GTF3C3: variants seen among roughly 807,000 people sequenced by gnomAD.
GTF3C3 encodes the protein general transcription factor 3C polypeptide 3.
Under a neutral mutation model 105.2 loss-of-function variants are expected in GTF3C3, and 75 were observed. That is an observed-to-expected ratio of 0.71 (90% CI 0.59 to 0.86). The LOEUF (loss-of-function observed/expected upper bound fraction) is 0.86. Among genes scored for constraint, GTF3C3 ranks in the 40% least tolerant of loss-of-function variants. The pLI, the probability that GTF3C3 is intolerant of heterozygous loss-of-function variation, is 0.00. For synonymous variants in GTF3C3, 335 were observed against 370.4 expected, an observed-to-expected ratio of 0.90 and a Z score of 1.10; for missense variants, 856 against 1,076.5, an observed-to-expected ratio of 0.80 and a Z score of 2.87.
chr2:196,764,730 A>G, intron 17 of GTF3C3, 45 bp from the exon 18 acceptor site: 1 of 1,546,908 alleles, frequency 6.5e-7, no homozygotes, highest in African/African-American at 1.4e-5. Context: ...TCCAACTGTC[A>G]ACCGGGACAA....
chr2:196,792,302 G>A (rs1292778122), intron 3 of GTF3C3, among the ~76,000 whole-genome samples: 11 of 152,044 alleles, frequency 7.2e-5, no homozygotes, highest in Admixed American at 7.2e-4. Context: ...GACAACAGGA[G>A]TGCACTACCA....
intron 17 of GTF3C3, among the ~76,000 whole-genome samples, chr2:196,766,010 C>CAAAAAAAA (rs11424716): frequency 1.1e-5 from 1 of 87,172 alleles, no homozygotes; most frequent in Non-Finnish European, 2.2e-5. Flanking sequence ...ACTCTGTCTC[C>CAAAAAAAA]AAAAAAAAAA....
At chr2:196,782,006 A>G (rs1001416531) in intron 8 of GTF3C3, among the ~76,000 whole-genome samples, 6 of 152,234 alleles carry the variant, frequency 3.9e-5, no homozygotes, top group African/African-American at 1.4e-4. Flanking sequence ...TGGGTTCTAC[A>G]TTCCAACTGT....
intron 3 of GTF3C3, among the ~76,000 whole-genome samples, chr2:196,792,146 G>T (rs1699559774): frequency 6.6e-6 from 1 of 151,954 alleles, no homozygotes; most frequent in Admixed American, 6.6e-5. Context: ...AGTATCAAAG[G>T]GTTATAGTAT....
intron 2 of GTF3C3, 120 bp downstream of exon 2, chr2:196,797,676 TC>T: frequency 1.5e-6 from 1 of 649,718 alleles, no homozygotes; most frequent in South Asian, 1.8e-5. Context: ...AGCATTCTGT[TC>T]CTGAAAAACC....
rs1001046303 is a variant in GTF3C3 at position 196,786,123 on chromosome 2, G to C, written c.894-535C>G. On this transcript the variant is annotated intron_variant, in intron 6 of 17. Transcript: ENST00000263956. This position sits in a 1 kb window ranked among gnomAD's most constrained non-coding sequence, Gnocchi z 4.2. ...TCTCACTCTAAACTGATGACCAATAGCCTCAAGCAGGTCCATGGTACTGAT... is the reference window on the plus strand; with the variant it reads ...TCTCACTCTAAACTGATGACCAATACCCTCAAGCAGGTCCATGGTACTGAT... 6.6e-6 allele frequency among the ~76,000 whole-genome samples: 1 copy of C among 152,126 alleles called. No individual in the cohort carries two copies. Among genetic ancestry groups the C allele is most frequent in the African/African-American group, 2.4e-5 (1 of 41,422 alleles).
At chr2:196,784,382 C>T (rs1284541779) in intron 8 of GTF3C3, among the ~76,000 whole-genome samples, 1 of 152,142 alleles carries the variant, frequency 6.6e-6, no homozygotes, top group African/African-American at 2.4e-5. Flanking sequence ...GCAAGCCACA[C>T]TTAGGTATAA....
intron 2 of GTF3C3, 22 bp from the exon 3 acceptor site, chr2:196,793,174 G>C: frequency 6.7e-7 from 1 of 1,488,910 alleles, no homozygotes; most frequent in Non-Finnish European, 9.2e-7. Flanking sequence ...GACATTGATG[G>C]GGGAGGGGTG....
rs1699269912 is a variant in GTF3C3, at chr2:196,776,944, T to A, written c.1391-315A>T. Among the ~76,000 whole-genome samples, 1 of 152,200 alleles carries A rather than the reference T, an allele frequency of 6.6e-6. No homozygotes were observed. Among genetic ancestry groups the A allele is most frequent in the African/African-American group, 2.4e-5 (1 of 41,456 alleles). ...CAAACTGATTATGTAATTATATCAT[T>A]TGCCATTTAGGTTGCTTTCAAATTT... On this transcript the variant is annotated intron_variant, in intron 10 of 17. Transcript: ENST00000263956. This position sits in a 1 kb window ranked among gnomAD's most constrained non-coding sequence, Gnocchi z 4.5.
At chr2:196,767,502 T>C (rs1237418159) in intron 16 of GTF3C3, among the ~76,000 whole-genome samples, 1 of 152,210 alleles carries the variant, frequency 6.6e-6, no homozygotes, top group Non-Finnish European at 1.5e-5. Flanking sequence ...ATGTAATTAT[T>C]CTCTAGATGA....
Position 196,764,490 on chromosome 2 carries a change from T to TA in GTF3C3, c.*72dup, listed in dbSNP as rs1171237248. On this transcript the variant is annotated 3_prime_UTR_variant, in exon 18 of 18. Coordinates refer to ENST00000263956, the MANE Select transcript of GTF3C3 (RefSeq NM_012086.5). ...GTCATTTCTATTTTGGAGTTACAAA[T>TA]AATAAGCCCTGAGACAGAAGACACT... The TA allele has an allele frequency of 1.0e-5, 14 of 1,343,322 alleles. No individual in the cohort carries two copies. The highest frequency in any genetic ancestry group is 1.4e-5 in the Non-Finnish European group (14 of 999,864). 83.2% of individuals were successfully genotyped at this position (1,343,322 alleles called of 1,614,324 possible).
intron 4 of GTF3C3, 74 bp downstream of exon 4, chr2:196,791,263 G>A: frequency 6.9e-7 from 1 of 1,439,942 alleles, no homozygotes; most frequent in Admixed American, 1.7e-5. Context: ...AAATAGTACT[G>A]TGAAGTGCTC....
intron 1 of GTF3C3, chr2:196,799,166 G>C (rs911459195): frequency 1.4e-5 from 3 of 209,476 alleles, no homozygotes; most frequent in Non-Finnish European, 2.9e-5. Context: ...GTCACAAAAC[G>C]ACTTAGTGGC....
At position 196,766,574 on chromosome 2, in the gene GTF3C3, A is replaced by G. The variant is rs1292393557; in HGVS notation, c.2529T>C (p.Leu843=). The G allele has an allele frequency of 1.2e-6, 2 of 1,608,998 alleles. No individual in the cohort carries two copies. The highest frequency in any genetic ancestry group is 1.7e-6 in the Non-Finnish European group (2 of 1,177,030). Residue 843 remains leucine (L), a synonymous_variant, in exon 17 of 18, where the codon CTT becomes CTC. Coordinates refer to ENST00000263956, the MANE Select transcript of GTF3C3 (RefSeq NM_012086.5). ...YYQKALELPP[L]VVEGIELDQL... is the part of the protein sequence containing the mutation. The stretch of plus-strand genomic sequence containing the variant: ...TAAAAATGCACAATACCTCTACCAC[A>G]AGTGGAGGGAGCTCCAGGGCCTTCT...
intron 2 of GTF3C3, among the ~76,000 whole-genome samples, chr2:196,795,574 C>G (rs1295757303): frequency 1.3e-5 from 2 of 152,144 alleles, no homozygotes; most frequent in Non-Finnish European, 2.9e-5. Flanking sequence ...ATCGTATGAT[C>G]CATCCTGATA....
rs528965482 is a variant in GTF3C3 at position 196,763,722 on chromosome 2, T to C, written c.*841A>G. 2.6e-5 allele frequency: 4 copies of C among 152,330 alleles called. No homozygotes were observed. The highest frequency in any genetic ancestry group is 9.6e-5 in the African/African-American group (4 of 41,588). The allele number at this position is 152,330 out of a possible 1,614,324, so 9.4% of individuals were successfully genotyped here. ...AAAAGTTGTTATTAAGCTAACAGTATATCATCTAAAAAGTACTGTTAACTT... is the reference window on the plus strand; with the variant it reads ...AAAAGTTGTTATTAAGCTAACAGTACATCATCTAAAAAGTACTGTTAACTT... On this transcript the variant is annotated 3_prime_UTR_variant, in exon 18 of 18. Coordinates refer to ENST00000263956, the MANE Select transcript of GTF3C3 (RefSeq NM_012086.5).
At chr2:196,796,578 AT>A (rs1335585016) in intron 2 of GTF3C3, among the ~76,000 whole-genome samples, 6 of 152,172 alleles carry the variant, frequency 3.9e-5, no homozygotes, top group Admixed American at 6.5e-5. Flanking sequence ...AACATGTACC[AT>A]GGTGGTTTGC....
intron 10 of GTF3C3, chr2:196,778,670 G>A (rs1318377822): frequency 1.8e-6 from 1 of 548,464 alleles, no homozygotes; most frequent in Non-Finnish European, 3.3e-6. Context: ...AGGGAAATGT[G>A]AGTCCTTCAA....
chr2:196,799,554 C>T lies in GTF3C3; in HGVS notation c.58G>A (p.Glu20Lys). 1 of 1,614,166 alleles carries T rather than the reference C, an allele frequency of 6.2e-7. No homozygotes were observed. Among genetic ancestry groups the T allele is most frequent in the South Asian group, 1.1e-5 (1 of 91,082 alleles). Residue 20 changes from glutamate (E) to lysine (K), a missense_variant, in exon 1 of 18, where the codon GAG becomes AAG. Glu to Lys is a moderately conservative substitution (Grantham distance 56, BLOSUM62 1). Around this residue, in one of 3 missense-constraint regions of GTF3C3, gnomAD observed 117 missense variants for 114.0 expected, o/e 1.03. Transcript: ENST00000263956. ...DYLEGKISFE[E>K]FERRREERKT... ...CTCTCTTCTCTCCGCCGTTCGAACT[C>T]CTCAAAGGAGATTTTCCCTTCCAAG...
Sources: gnomAD v4.1 joint callset for allele counts (sites outside exome capture counted in the v4.1 genomes callset) on GRCh38, gnomAD v4.1.1 for gene constraint, gnomAD v4.1.1 regional missense constraint, Gnocchi (gnomAD v3.1) non-coding constraint, MANE v1.5 for transcripts, NCBI Gene and HGNC (gene_info 2026-07-23, HGNC 2026-07-21) for gene names.